ABCG2: variants seen among roughly 807,000 people sequenced by gnomAD.
ABCG2 encodes the protein ATP binding cassette subfamily G member 2 (JR blood group), also known as broad substrate specificity ATP-binding cassette transporter ABCG2.
Under a neutral mutation model 73.5 loss-of-function variants are expected in ABCG2, and 80 were observed. That is an observed-to-expected ratio of 1.09 (90% CI 0.91 to 1.31). ABCG2 has a LOEUF of 1.31. ABCG2 is among the 50% of genes most tolerant of loss of function. The pLI is 0.00. For synonymous variants in ABCG2, 269 were observed against 282.4 expected (o/e 0.95, Z 0.48); for missense variants, 796 against 786.2 (o/e 1.01, Z -0.15).
intron 5 of ABCG2, among the ~76,000 whole-genome samples, chr4:88,127,089 CAAAATCAATGTGCA>C (rs1474075362): frequency 6.6e-6 from 1 of 152,128 alleles, no homozygotes. Context: ...TCTCAGGATA[CAAAATCAATGTGCA>C]AAAATCACAA....
intron 1 of ABCG2, among the ~76,000 whole-genome samples, chr4:88,182,465 A>G (rs1412676615): frequency 6.6e-6 from 1 of 152,212 alleles, no homozygotes; most frequent in African/African-American, 2.4e-5. Context: ...CTCCTCAGCC[A>G]TGGATCTTTC....
At position 88,214,489 on chromosome 4, in the gene ABCG2, G is replaced by T. The variant is rs183072332; in HGVS notation, c.-20+16505C>A. On this transcript the variant is annotated intron_variant, in intron 1 of 15. Transcript: ENST00000515655. ...CTTTAAGTTTTAGAGTGGTTTGTTA[G>T]GTAGGGATAGATAACTGGAACAATA... Among the ~76,000 whole-genome samples the T allele has an allele frequency of 2.4e-4, 36 of 152,192 alleles. No individual in the cohort carries two copies. The East Asian group carries it at 5.4e-3, about 23-fold the overall frequency.
intron 1 of ABCG2, among the ~76,000 whole-genome samples, chr4:88,144,281 C>G (rs150529467): frequency 5.9e-5 from 9 of 152,164 alleles, no homozygotes; most frequent in African/African-American, 2.2e-4. Flanking sequence ...TGTTATTTGG[C>G]CTGATTATGT....
chr4:88,149,858 T>C (rs1317088358), intron 1 of ABCG2, among the ~76,000 whole-genome samples: 1 of 151,968 alleles, frequency 6.6e-6, no homozygotes, highest in African/African-American at 2.4e-5. Context: ...TCTCAAAAAA[T>C]AATAATAATA....
chr4:88,124,780 T>C (rs573394708), intron 5 of ABCG2, among the ~76,000 whole-genome samples: 8 of 152,280 alleles, frequency 5.3e-5, no homozygotes, highest in Admixed American at 3.9e-4. Flanking sequence ...TATTCAGGAC[T>C]TGAACTCAGC....
At chr4:88,170,798 G>A (rs1264562802) in intron 1 of ABCG2, among the ~76,000 whole-genome samples, 1 of 152,168 alleles carries the variant, frequency 6.6e-6, no homozygotes, top group African/African-American at 2.4e-5. Context: ...TCCTCTTTCA[G>A]TTATAAACCT....
intron 7 of ABCG2, among the ~76,000 whole-genome samples, chr4:88,116,102 C>G (rs1222244463): frequency 2.0e-5 from 3 of 152,224 alleles, no homozygotes; most frequent in Middle Eastern, 3.4e-3. Flanking sequence ...GGCTGAGGCA[C>G]AAGAATTGCT....
chr4:88,197,028 G>A (rs1354010529), intron 1 of ABCG2, among the ~76,000 whole-genome samples: 1 of 151,792 alleles, frequency 6.6e-6, no homozygotes, highest in Admixed American at 6.6e-5. Flanking sequence ...GAGACTGAGA[G>A]GCACTGTGAA....
At chr4:88,110,766 C>T (rs1212550689) in intron 9 of ABCG2, among the ~76,000 whole-genome samples, 1 of 151,936 alleles carries the variant, frequency 6.6e-6, no homozygotes, top group Non-Finnish European at 1.5e-5. Flanking sequence ...CTGAGACAAA[C>T]ACCACCTGAT....
intron 2 of ABCG2, 128 bp downstream of exon 2, chr4:88,139,665 G>A (rs911085554): frequency 2.8e-6 from 2 of 714,446 alleles, no homozygotes; most frequent in Non-Finnish European, 4.6e-6. Context: ...ATGAAAGCAT[G>A]TGTCTGTATA....
intron 4 of ABCG2, 48 bp downstream of exon 4, chr4:88,131,751 TTACC>T (rs1724891044): frequency 7.5e-7 from 1 of 1,334,802 alleles, no homozygotes; most frequent in Admixed American, 1.8e-5. Flanking sequence ...GCCAAAGCAC[TTACC>T]CATATAGAAA....
Position 88,118,249 on chromosome 4 carries a change from T to C in ABCG2, c.701A>G (p.Gln234Arg), listed in dbSNP as rs555327046. ...VLLLLKRMSK[Q>R]GRTIIFSIHQ... The stretch of plus-strand genomic sequence containing the variant: ...AATGGAGAAGATGATTGTTCGTCCC[T>C]GCTTAGACATCCTAAGTTAAAAGTG... Residue 234 changes from glutamine (Q) to arginine (R), a missense_variant, in exon 7 of 16, where the codon CAG (glutamine) becomes CGG (arginine). Coordinates refer to ENST00000237612, the MANE Select transcript of ABCG2 (RefSeq NM_004827.3). 3.8e-5 allele frequency: 62 copies of C among 1,613,968 alleles called. 1 individual carries two copies. The South Asian group carries it at 6.3e-4, about 16-fold the overall frequency.
intron 2 of ABCG2, among the ~76,000 whole-genome samples, chr4:88,137,427 G>A (rs1306989713): frequency 6.6e-6 from 1 of 152,178 alleles, no homozygotes; most frequent in African/African-American, 2.4e-5. Context: ...GGGAAAGGGT[G>A]ACATTATAGC....
At chr4:88,222,335 A>G (rs771674340) in intron 1 of ABCG2, among the ~76,000 whole-genome samples, 35 of 152,182 alleles carry the variant, frequency 2.3e-4, no homozygotes, top group Non-Finnish European at 4.4e-4. Context: ...GGGCAGTGAT[A>G]TGGTTTGGCT....
rs776227068 is a variant in ABCG2, at chr4:88,118,130, A to G, written c.820T>C (p.Leu274=). 5 of 1,613,754 alleles carry G rather than the reference A, an allele frequency of 3.1e-6. No homozygotes were observed. Among genetic ancestry groups the G allele is most frequent in the Middle Eastern group, 1.7e-4 (1 of 6,060 alleles). The change falls in exon 7 of 16, where the codon TTG becomes CTG. Residue 274 remains leucine, a synonymous_variant. Coordinates refer to ENST00000237612, the MANE Select transcript of ABCG2 (RefSeq NM_004827.3). ...ATACCAGCTGATTCAAAGTATCCCA[A>G]GGCCTCCTGAGCAGGCCCGTGGAAC... ...LMFHGPAQEA[L]GYFESAGYHC...
chr4:88,180,893 TG>T (rs1728208238), intron 1 of ABCG2, among the ~76,000 whole-genome samples: 1 of 152,094 alleles, frequency 6.6e-6, no homozygotes, highest in African/African-American at 2.4e-5. Flanking sequence ...AATTCCAAAG[TG>T]TAAACTACTC....
chr4:88,180,000 G>C (rs973660807), intron 1 of ABCG2, among the ~76,000 whole-genome samples: 4 of 152,102 alleles, frequency 2.6e-5, no homozygotes, highest in East Asian at 1.9e-4. Flanking sequence ...GGTAGAGAGA[G>C]GGGGGTAGAA....
intron 2 of ABCG2, among the ~76,000 whole-genome samples, chr4:88,133,957 C>T (rs1170212082): frequency 6.6e-6 from 1 of 151,090 alleles, no homozygotes; most frequent in Non-Finnish European, 1.5e-5. Flanking sequence ...GAGATCACGT[C>T]ATTGTACTCC....
At chr4:88,183,469 G>A (rs1728337287) in intron 1 of ABCG2, among the ~76,000 whole-genome samples, 1 of 152,056 alleles carries the variant, frequency 6.6e-6, no homozygotes, top group Non-Finnish European at 1.5e-5. Flanking sequence ...GGAAAACCTA[G>A]AAGAAATAAA....
Sources: gnomAD v4.1 joint callset for allele counts (sites outside exome capture counted in the v4.1 genomes callset) on GRCh38, gnomAD v4.1.1 for gene constraint, MANE v1.5 for transcripts, NCBI Gene and HGNC (gene_info 2026-07-23, HGNC 2026-07-21) for gene names.